Variants in GKN2 observed in about 807,000 individuals in gnomAD.
GKN2 encodes gastrokine-2.
Under a neutral mutation model 22.7 loss-of-function variants are expected in GKN2, and 17 were observed. The observed-to-expected ratio is 0.75, with a 90% CI of 0.51 to 1.13. GKN2 has a LOEUF of 1.13. GKN2 is among the 50% of genes most tolerant of loss of function. The pLI is 0.00. For missense variants in GKN2, 248 were observed against 221.4 expected (o/e 1.12, Z -0.76); for synonymous variants, 82 against 79.6 (o/e 1.03, Z -0.16).
In GKN2 at chr2:68,947,248, C is replaced by T; in HGVS notation, c.214G>A (p.Ala72Thr). 6.2e-7 allele frequency: 1 copy of T among 1,609,758 alleles called. No individual in the cohort carries two copies. Among genetic ancestry groups the T allele is most frequent in the Non-Finnish European group, 8.5e-7 (1 of 1,176,038 alleles). ...TIFDYKHGYI[A>T]SRVLSRRACF... ...GCTCTTCGGGAGAGCACCCTGGATG[C>T]AATGTAGCCCTGAGGCAGCAAGAGT... The change falls in exon 4 of 6, where the codon GCA (alanine) becomes ACA (threonine). Residue 72 changes from alanine (A) to threonine (T), a missense_variant. Coordinates refer to ENST00000328895, the MANE Select transcript of GKN2 (RefSeq NM_182536.3).
chr2:68,945,499 T>C (rs763180375), intron 5 of GKN2, 49 bp from the exon 6 acceptor site: 88 of 1,323,328 alleles, frequency 6.6e-5, no homozygotes, highest in Non-Finnish European at 9.0e-5. Context: ...AAATATATTA[T>C]TGGAATTATT....
chr2:68,950,814 G>C (rs1466310208), intron 1 of GKN2, 59 bp from the exon 2 acceptor site: 5 of 1,541,568 alleles, frequency 3.2e-6, no homozygotes, highest in Non-Finnish European at 4.5e-6. Context: ...TGTGGGACAG[G>C]AGGAAACACT....
Position 68,950,139 on chromosome 2 carries a change from A to G in GKN2, c.191T>C (p.Phe64Ser), listed in dbSNP as rs1308672495. The G allele has an allele frequency of 6.2e-7, 1 of 1,612,388 alleles. No individual in the cohort carries two copies. The highest frequency in any genetic ancestry group is 8.5e-7 in the Non-Finnish European group (1 of 1,179,554). The change falls in exon 3 of 6, where the codon TTT becomes TCT. Residue 64 changes from phenylalanine (F) to serine (S), a missense_variant. Physicochemically the swap from Phe to Ser is radical, Grantham distance 155. Coordinates refer to ENST00000328895, the MANE Select transcript of GKN2 (RefSeq NM_182536.3). ...HAGSCSSTTI[F>S]DYKHGYIASR... ...TTTGCTGCTTACATGTTTATAGTCA[A>G]AAATTGTGGTAGAAGAGCATGATCC...
intron 1 of GKN2, among the ~76,000 whole-genome samples, chr2:68,951,544 T>G (rs1003844407): frequency 6.6e-6 from 1 of 152,202 alleles, no homozygotes; most frequent in African/African-American, 2.4e-5. Flanking sequence ...ATTTGAAAAC[T>G]GCTGATGAAA....
At chr2:68,952,814 C>T in intron 1 of GKN2, 36 bp downstream of exon 1, 2 of 1,612,512 alleles carry the variant, frequency 1.2e-6, no homozygotes, top group Middle Eastern at 1.6e-4. Context: ...CAAGCAGTCA[C>T]CACAAGAGTA....
At position 68,950,768 on chromosome 2, in the gene GKN2, C is replaced by T. The variant is rs761438242; in HGVS notation, c.13-13G>A. The T allele has an allele frequency of 6.2e-7, 1 of 1,613,804 alleles. No homozygotes were observed. The highest frequency in any genetic ancestry group is 8.5e-7 in the Non-Finnish European group (1 of 1,179,716). ...CCAGAAATGCCACCTGAAAAACAGA[C>T]CCACCACATCCATTCTTTATAGGGT... On this transcript the variant is annotated splice_polypyrimidine_tract_variant and intron_variant, in intron 1 of 5. Coordinates refer to ENST00000328895, the MANE Select transcript of GKN2 (RefSeq NM_182536.3).
intron 1 of GKN2, among the ~76,000 whole-genome samples, 180 bp downstream of exon 1, chr2:68,952,670 C>CA (rs1159642904): frequency 6.6e-6 from 1 of 151,862 alleles, no homozygotes; most frequent in East Asian, 1.9e-4. Flanking sequence ...AGGAAAAGGA[C>CA]AAAAAAAGTC....
At chr2:68,947,675 C>A (rs1669790250) in intron 3 of GKN2, among the ~76,000 whole-genome samples, 1 of 152,096 alleles carries the variant, frequency 6.6e-6, no homozygotes, top group Admixed American at 6.5e-5. Context: ...ACTGAAGCCT[C>A]CACCTCCCTG....
intron 4 of GKN2, among the ~76,000 whole-genome samples, chr2:68,946,925 G>C (rs1161109674): frequency 6.6e-6 from 1 of 152,102 alleles, no homozygotes; most frequent in East Asian, 1.9e-4. Flanking sequence ...ATAAATTCTT[G>C]TATTTAGGAC....
chr2:68,950,050 G>A (rs1025782800), intron 3 of GKN2, 76 bp downstream of exon 3: 16 of 1,158,706 alleles, frequency 1.4e-5, no homozygotes, highest in Non-Finnish European at 1.9e-5. Context: ...AAGTATATAT[G>A]CCCCATATAT....
At chr2:68,952,169 T>A (rs1259973084) in intron 1 of GKN2, among the ~76,000 whole-genome samples, 1 of 152,134 alleles carries the variant, frequency 6.6e-6, no homozygotes, top group Non-Finnish European at 1.5e-5. Context: ...GGAGTGGCCA[T>A]AGAAGGAACG....
chr2:68,947,053 G>T lies in GKN2; in HGVS notation c.315+94C>A, dbSNP rs185491747. The T allele has an allele frequency of 3.9e-6, 3 of 764,736 alleles. No individual in the cohort carries two copies. The African/African-American group carries it at 5.1e-5, about 13-fold the overall frequency. 47.4% of individuals were successfully genotyped at this position (764,736 alleles called of 1,614,324 possible). On this transcript the variant is annotated intron_variant, in intron 4 of 5. Transcript: ENST00000328895. ...ATCACATTTATGGTAAGGCATGATA[G>T]TATGATCTTCTCCCTCACACTCTTC...
At chr2:68,948,345 T>C (rs117800871) in intron 3 of GKN2, among the ~76,000 whole-genome samples, 1,731 of 152,134 alleles carry the variant, frequency 0.011, 65 homozygotes, top group East Asian at 0.11. Flanking sequence ...AAATTTAAAA[T>C]GCACTTCTGT....
intron 3 of GKN2, among the ~76,000 whole-genome samples, chr2:68,948,865 C>A (rs1669813105): frequency 6.6e-6 from 1 of 152,146 alleles, no homozygotes; most frequent in African/African-American, 2.4e-5. Flanking sequence ...AAGCTTAAAG[C>A]AAATCCTCAC....
chr2:68,951,051 G>A (rs368479374), intron 1 of GKN2, among the ~76,000 whole-genome samples: 12 of 152,162 alleles, frequency 7.9e-5, no homozygotes, highest in East Asian at 3.9e-4. Flanking sequence ...GGAGAAACCC[G>A]GGGCAGATGA....
At chr2:68,947,012 C>T in intron 4 of GKN2, 135 bp downstream of exon 4, 1 of 592,248 alleles carries the variant, frequency 1.7e-6, no homozygotes, top group African/African-American at 1.9e-5. Context: ...ACTTTAATAA[C>T]TTTAATAAGT....
chr2:68,947,363 A>G, intron 3 of GKN2, 106 bp from the exon 4 acceptor site: 1 of 709,476 alleles, frequency 1.4e-6, no homozygotes, highest in Non-Finnish European at 2.6e-6. Flanking sequence ...ATGCACAGTG[A>G]ATATATGGTG....
At chr2:68,950,055 A>G (rs1573728825) in intron 3 of GKN2, 71 bp downstream of exon 3, 12 of 1,202,274 alleles carry the variant, frequency 1.0e-5, no homozygotes, top group Admixed American at 4.7e-5. Flanking sequence ...TATATGCCCC[A>G]TATATATATA....
At chr2:68,952,442 A>G (rs1042781494) in intron 1 of GKN2, among the ~76,000 whole-genome samples, 1 of 152,210 alleles carries the variant, frequency 6.6e-6, no homozygotes, top group Non-Finnish European at 1.5e-5. Context: ...TCTAAGGCTT[A>G]GTATGCATTT....
Sources: gnomAD v4.1 joint callset for allele counts (sites outside exome capture counted in the v4.1 genomes callset) on GRCh38, gnomAD v4.1.1 for gene constraint, MANE v1.5 for transcripts, NCBI Gene and HGNC (gene_info 2026-07-23, HGNC 2026-07-21) for gene names.